Variants in COL4A4 observed in about 807,000 individuals in gnomAD.
COL4A4 encodes collagen type IV alpha 4 chain, also known as collagen alpha-4(IV) chain.
Under a neutral mutation model 192.9 loss-of-function variants are expected in COL4A4, and 105 were observed. The observed-to-expected ratio is 0.54, with a 90% CI of 0.46 to 0.64. The LOEUF (loss-of-function observed/expected upper bound fraction) is 0.64. Ranked by LOEUF, COL4A4 falls within the 30% of genes least tolerant of loss-of-function variation. The pLI is 0.00. For missense variants in COL4A4, 1,967 were observed against 2,169.3 expected (o/e 0.91, Z 1.85); for synonymous variants, 762 against 769.9 (o/e 0.99, Z 0.17).
chr2:226,995,490 A>AGACAG, the COL4A4 span: 5 of 1,613,116 alleles, frequency 3.1e-6, no homozygotes, highest in East Asian at 1.1e-4. Flanking sequence ...AGAAATGAGG[A>AGACAG]GACAGCGGCT....
chr2:227,007,426 C>G lies in COL4A4; in HGVS notation c.4972G>C (p.Asp1658His), dbSNP rs749073740. 10 of 1,614,110 alleles carry G rather than the reference C, an allele frequency of 6.2e-6. No individual in the cohort carries two copies. The highest frequency in any genetic ancestry group is 8.5e-6 in the Non-Finnish European group (10 of 1,180,044). ...YSFWLTTVKA[D>H]LQFSSAPAPD... Reference sequence around the variant, plus strand: ...GCTGGAGCAGAGGAAAACTGCAAGTCTGCTTTCACCGTTGTGAGCCAGAAG... The same window carrying G: ...GCTGGAGCAGAGGAAAACTGCAAGTGTGCTTTCACCGTTGTGAGCCAGAAG... The change falls in exon 48 of 48, where the codon GAC becomes CAC. Residue 1658 changes from aspartate (D) to histidine (H), a missense_variant. Coordinates refer to ENST00000396625, the MANE Select transcript of COL4A4 (RefSeq NM_000092.5).
rs2060675066 is a variant in COL4A4, at chr2:227,104,055, T to A, written c.736-3A>T. 3 of 1,367,308 alleles carry A rather than the reference T, an allele frequency of 2.2e-6. No homozygotes were observed. The Admixed American group carries it at 5.9e-5, about 27-fold the overall frequency. The allele number at this position is 1,367,308 out of a possible 1,614,324, so 84.7% of individuals were successfully genotyped here. ...GAACCTTGCTGACCAACCTCACCCT[T>A]AAAAAAAAAAGCAAGATAATGAAAA... On this transcript the variant is annotated splice_region_variant and splice_polypyrimidine_tract_variant and intron_variant, in intron 12 of 47. Coordinates refer to ENST00000396625, the MANE Select transcript of COL4A4 (RefSeq NM_000092.5).
In COL4A4 at chr2:227,107,443, T is replaced by C. The variant is rs369853157; in HGVS notation, c.735+1138A>G. Among the ~76,000 whole-genome samples, 9 of 152,344 alleles carry C rather than the reference T, an allele frequency of 5.9e-5. No individual in the cohort carries two copies. The South Asian group carries it at 1.2e-3, about 21-fold the overall frequency. On this transcript the variant is annotated intron_variant, in intron 12 of 47. Coordinates refer to ENST00000396625, the MANE Select transcript of COL4A4 (RefSeq NM_000092.5). ...TGTTGCTTTTACAAAGTTGAGTTTA[T>C]ATTTTTGTAACCTGTACTTTCTGTT...
chr2:227,100,288 C>T (rs1227284429), intron 17 of COL4A4, among the ~76,000 whole-genome samples: 1 of 152,160 alleles, frequency 6.6e-6, no homozygotes, highest in Non-Finnish European at 1.5e-5. Context: ...TTTAAACTCT[C>T]ATGATTATTC....
At chr2:227,026,306 G>T (rs1404869750) in intron 42 of COL4A4, among the ~76,000 whole-genome samples, 1 of 152,034 alleles carries the variant, frequency 6.6e-6, no homozygotes. Flanking sequence ...GACCATCCTG[G>T]CTAACACGGT....
Position 227,109,219 on chromosome 2 carries a change from C to T in COL4A4, c.657+5G>A. The T allele has an allele frequency of 3.7e-6, 6 of 1,613,156 alleles. No individual in the cohort carries two copies. The highest frequency in any genetic ancestry group is 5.1e-6 in the Non-Finnish European group (6 of 1,179,056). On this transcript the variant is annotated splice_donor_5th_base_variant and intron_variant, in intron 10 of 47. Transcript: ENST00000396625. The stretch of plus-strand genomic sequence containing the variant: ...AAGGGATCACATCAGCAGTGCTGTA[C>T]TTACCACTAACCCTGGCTCTCCAGG...
intron 37 of COL4A4, among the ~76,000 whole-genome samples, chr2:227,035,823 G>C (rs1342859210): frequency 6.6e-6 from 1 of 152,100 alleles, no homozygotes; most frequent in East Asian, 1.9e-4. Context: ...GGCTGGGGTG[G>C]AATGTCTCTG....
intron 4 of COL4A4, among the ~76,000 whole-genome samples, chr2:227,139,858 A>G (rs1227932011): frequency 1.3e-5 from 2 of 152,164 alleles, no homozygotes; most frequent in Admixed American, 6.5e-5. Context: ...TTAAAATGCC[A>G]TATTTCAGGA....
At chr2:227,008,772 A>G (rs1179586114) in intron 46 of COL4A4, among the ~76,000 whole-genome samples, 1 of 152,194 alleles carries the variant, frequency 6.6e-6, no homozygotes, top group Non-Finnish European at 1.5e-5. Flanking sequence ...ATACCGTCAG[A>G]GGGGGTTGGA....
the COL4A4 span, chr2:226,997,381 A>G: frequency 2.6e-5 from 4 of 152,224 alleles, no homozygotes; most frequent in African/African-American, 4.8e-5. Context: ...TAATTCTGCT[A>G]TAACACATCT....
intron 22 of COL4A4, among the ~76,000 whole-genome samples, chr2:227,087,778 T>C (rs1685639673): frequency 6.6e-6 from 1 of 152,218 alleles, no homozygotes; most frequent in Non-Finnish European, 1.5e-5. Flanking sequence ...AACTCTCCCC[T>C]GGCTGTTTCA....
chr2:226,990,718 A>C, the COL4A4 span, among the ~76,000 whole-genome samples: 1 of 152,304 alleles, frequency 6.6e-6, no homozygotes, highest in South Asian at 2.1e-4. Context: ...ACCACAAATC[A>C]ATAAATTTTA....
chr2:227,088,886 C>A (rs979371544), intron 21 of COL4A4, 70 bp from the exon 22 acceptor site: 1 of 1,543,474 alleles, frequency 6.5e-7, no homozygotes, highest in African/African-American at 1.4e-5. Flanking sequence ...CTTTACTGTA[C>A]AAAACCAATA....
chr2:227,041,848 G>GAAAGAAAGAGAGAGAGAGAGAAAGAA (rs1243663359), intron 37 of COL4A4, among the ~76,000 whole-genome samples: 1 of 38,692 alleles, frequency 2.6e-5, no homozygotes, highest in Non-Finnish European at 4.7e-5. Flanking sequence ...AAGAAAGAAA[G>GAAAGAAAGAGAGAGAGAGAGAAAGAA]AGAAAGAAAG....
chr2:227,027,989 G>T lies in COL4A4; in HGVS notation c.3994C>A (p.Pro1332Thr). ...GQKGPVGFPGPQGPHGFPGPP... is the reference protein window; with the variant it reads ...GQKGPVGFPGTQGPHGFPGPP... Reference sequence around the variant, plus strand: ...CCAGGAAATCCATGTGGTCCCTGCGGTCCCGGGAATCCCACTGGTCCTTAA... The same window carrying T: ...CCAGGAAATCCATGTGGTCCCTGCGTTCCCGGGAATCCCACTGGTCCTTAA... The change falls in exon 42 of 48, where the codon CCG (proline) becomes ACG (threonine). Residue 1332 changes from proline to threonine, a missense_variant. Physicochemically the swap from Pro to Thr is conservative, Grantham distance 38. Coordinates refer to ENST00000396625, the MANE Select transcript of COL4A4 (RefSeq NM_000092.5). The T allele has an allele frequency of 6.2e-7, 1 of 1,612,528 alleles. No individual in the cohort carries two copies. Among genetic ancestry groups the T allele is most frequent in the Non-Finnish European group, 8.5e-7 (1 of 1,179,048 alleles).
At position 227,007,062 on chromosome 2, in the gene COL4A4, T is replaced by A. The variant is rs896065816; in HGVS notation, c.*263A>T. On this transcript the variant is annotated 3_prime_UTR_variant, in exon 48 of 48. Coordinates refer to ENST00000396625, the MANE Select transcript of COL4A4 (RefSeq NM_000092.5). ...GCCTTTCTGAGAATTAGCATATTTTTAAGTAAAGCCAGTTCTTCGATCATC... is the reference window on the plus strand; with the variant it reads ...GCCTTTCTGAGAATTAGCATATTTTAAAGTAAAGCCAGTTCTTCGATCATC... 3.7e-6 allele frequency: 2 copies of A among 542,398 alleles called. No homozygotes were observed. Among genetic ancestry groups the A allele is most frequent in the Non-Finnish European group, 6.7e-6 (2 of 298,928 alleles). The allele number at this position is 542,398 out of a possible 1,614,324, so 33.6% of individuals were successfully genotyped here.
intron 41 of COL4A4, 39 bp downstream of exon 41, chr2:227,030,404 A>G (rs1209074997): frequency 1.2e-6 from 2 of 1,609,298 alleles, no homozygotes; most frequent in Admixed American, 3.3e-5. Flanking sequence ...TAAGATAACC[A>G]AGTTATTCAC....
At chr2:226,999,604 T>A (rs1462413380), downstream of COL4A4, among the ~76,000 whole-genome samples, 1 of 152,236 alleles carries the variant, frequency 6.6e-6, no homozygotes, top group African/African-American at 2.4e-5. Flanking sequence ...GATAGATGAA[T>A]TGGCAGATTT....
intron 19 of COL4A4, among the ~76,000 whole-genome samples, chr2:227,096,289 G>C (rs2060202609): frequency 1.3e-5 from 2 of 152,182 alleles, no homozygotes; most frequent in Admixed American, 1.3e-4. Flanking sequence ...GAGGTGTCCA[G>C]GCAGGCCCAG....
Sources: allele counts gnomAD v4.1 joint callset (sites outside exome capture counted in the v4.1 genomes callset), GRCh38; gene constraint gnomAD v4.1.1; transcripts MANE v1.5; gene names NCBI Gene and HGNC (gene_info 2026-07-23, HGNC 2026-07-21).